The following LYRM4 variants were observed in gnomAD, a reference collection of about 807,000 sequenced individuals.
LYRM4 encodes the protein LYR motif-containing protein 4.
LYRM4 carries 9 observed loss-of-function variants against 11.7 expected under a neutral mutation model. The observed-to-expected ratio is 0.77, with a 90% CI of 0.46 to 1.34. The LOEUF is 1.34. Among genes scored for constraint, LYRM4 ranks in the 40% most tolerant of loss-of-function variants. The pLI is 0.00. For synonymous variants in LYRM4, 42 were observed against 40.4 expected, an observed-to-expected ratio of 1.04 and a Z score of -0.15; for missense variants, 133 against 112.5, an observed-to-expected ratio of 1.18 and a Z score of -0.82.
At chr6:5,218,176 G>C (rs1428486777) in intron 1 of LYRM4, 1 of 852,708 alleles carries the variant, frequency 1.2e-6, no homozygotes, top group Non-Finnish European at 1.4e-6. Context: ...CAAGGAGCTA[G>C]GATTACAAGC....
In LYRM4 at chr6:5,206,182, T is replaced by G. The variant is rs528653474; in HGVS notation, c.207+10436A>C. Among the ~76,000 whole-genome samples, 7 of 152,342 alleles carry G rather than the reference T, an allele frequency of 4.6e-5. No homozygotes were observed. In the South Asian group the frequency reaches 1.5e-3, roughly 32 times the overall value. ...CATTCACCAGGGTGTTTCTGGGACT[T>G]GGCAATCATTAGCATTTATTTTCAG... On this transcript the variant is annotated intron_variant, in intron 2 of 2. Coordinates refer to ENST00000330636, the MANE Select transcript of LYRM4 (RefSeq NM_020408.6).
intron 1 of LYRM4, among the ~76,000 whole-genome samples, chr6:5,225,554 T>C (rs1162756319): frequency 6.6e-6 from 1 of 152,242 alleles, no homozygotes; most frequent in African/African-American, 2.4e-5. Flanking sequence ...GATTTAGTTT[T>C]AAAAATGGTT....
chr6:5,128,288 C>T (rs1006733138), intron 2 of LYRM4, among the ~76,000 whole-genome samples: 2 of 152,144 alleles, frequency 1.3e-5, no homozygotes, highest in African/African-American at 4.8e-5. Context: ...ACATTTATAT[C>T]CTGGAAGCAG....
intron 2 of LYRM4, chr6:5,186,608 A>C: frequency 2.0e-6 from 2 of 981,072 alleles, no homozygotes; most frequent in Non-Finnish European, 2.4e-6. Flanking sequence ...AGGAAATGCA[A>C]GAGAATTTTT....
chr6:5,058,681 G>A, the LYRM4 span, among the ~76,000 whole-genome samples: 1 of 152,128 alleles, frequency 6.6e-6, no homozygotes, highest in Non-Finnish European at 1.5e-5. Flanking sequence ...GCTATGTTTT[G>A]CCTTCTGCCT....
chr6:5,069,611 G>T, the LYRM4 span, among the ~76,000 whole-genome samples: 57 of 152,040 alleles, frequency 3.7e-4, no homozygotes, highest in African/African-American at 1.3e-3. Context: ...CTCCCAAGTA[G>T]CTGGGACTAT....
chr6:5,171,266 C>A (rs4959333), intron 2 of LYRM4, among the ~76,000 whole-genome samples: 70,117 of 152,050 alleles, frequency 0.46, 16,546 homozygotes, highest in East Asian at 0.6. Flanking sequence ...CCCTAGTCAT[C>A]CATCTACGTT....
chr6:5,110,368 G>A (rs962389684), intron 2 of LYRM4, among the ~76,000 whole-genome samples: 6 of 139,036 alleles, frequency 4.3e-5, no homozygotes, highest in African/African-American at 1.1e-4. Context: ...GCTCTATTTC[G>A]AAGTGAAGGC....
intron 2 of LYRM4, among the ~76,000 whole-genome samples, chr6:5,130,216 A>G (rs1763887823): frequency 6.6e-6 from 1 of 152,040 alleles, no homozygotes; most frequent in Non-Finnish European, 1.5e-5. Flanking sequence ...AGTTCATGAG[A>G]GCTTTCCTCC....
At chr6:5,036,180 T>C in the LYRM4 span, among the ~76,000 whole-genome samples, 2 of 152,146 alleles carry the variant, frequency 1.3e-5, no homozygotes. Flanking sequence ...AAAATTTTGT[T>C]GAGCAAAATA....
chr6:5,166,732 T>C (rs943637980), intron 2 of LYRM4, among the ~76,000 whole-genome samples: 1 of 152,192 alleles, frequency 6.6e-6, no homozygotes, highest in Non-Finnish European at 1.5e-5. Context: ...TTGCTTAAAA[T>C]CAAGGAGGAA....
chr6:5,074,667 A>G, the LYRM4 span, among the ~76,000 whole-genome samples: 1 of 151,118 alleles, frequency 6.6e-6, no homozygotes, highest in African/African-American at 2.4e-5. Flanking sequence ...GTACATGTGC[A>G]CAACATGCAG....
chr6:5,120,676 T>G (rs374763389), intron 2 of LYRM4, among the ~76,000 whole-genome samples: 1 of 152,208 alleles, frequency 6.6e-6, no homozygotes. Flanking sequence ...TACAGGGTGC[T>G]GATTGGTCCA....
intron 2 of LYRM4, chr6:5,144,364 G>A: frequency 2.2e-6 from 3 of 1,364,148 alleles, no homozygotes; most frequent in South Asian, 2.5e-5. Context: ...GAGGCCGGGT[G>A]CGGTGGCTGA....
At chr6:5,218,777 A>G (rs992583389) in intron 1 of LYRM4, among the ~76,000 whole-genome samples, 3 of 152,240 alleles carry the variant, frequency 2.0e-5, no homozygotes, top group Non-Finnish European at 4.4e-5. Flanking sequence ...GGAATACATC[A>G]GATACAGACT....
chr6:5,118,318 T>C (rs1215447043), intron 2 of LYRM4, among the ~76,000 whole-genome samples: 1 of 152,090 alleles, frequency 6.6e-6, no homozygotes, highest in African/African-American at 2.4e-5. Context: ...GCTTTCACCA[T>C]GTTGGCCAGG....
rs114427672 is a variant in LYRM4, at chr6:5,178,184, G to A, written c.207+38434C>T. Among the ~76,000 whole-genome samples, 1,264 of 152,202 alleles carry A rather than the reference G, an allele frequency of 8.3e-3. 13 individuals carry two copies. The highest frequency in any genetic ancestry group is 0.029 in the African/African-American group (1,212 of 41,512). Reference sequence around the variant, plus strand: ...TCACACATACTTTGTTTTGTATATTGTCTGTGTTGGCAGTTGCATCCTTTG... The same window carrying A: ...TCACACATACTTTGTTTTGTATATTATCTGTGTTGGCAGTTGCATCCTTTG... On this transcript the variant is annotated intron_variant, in intron 2 of 2. Transcript: ENST00000330636.
At chr6:5,037,681 C>T in the LYRM4 span, among the ~76,000 whole-genome samples, 2 of 45,206 alleles carry the variant, frequency 4.4e-5, 1 homozygote, top group South Asian at 2.4e-3. Flanking sequence ...GCCGGCCGGG[C>T]AGGGGGCTGA....
the LYRM4 span, chr6:5,066,759 A>G: frequency 1.3e-6 from 1 of 744,376 alleles, no homozygotes; most frequent in Non-Finnish European, 2.4e-6. Context: ...CCGATTGGTT[A>G]CGTAACGCTT....
Sources: allele counts gnomAD v4.1 joint callset (sites outside exome capture counted in the v4.1 genomes callset), GRCh38; gene constraint gnomAD v4.1.1; transcripts MANE v1.5; gene names NCBI Gene and HGNC (gene_info 2026-07-23, HGNC 2026-07-21).